Variants in SP100 observed in about 807,000 individuals in gnomAD.
SP100 encodes SP100 nuclear body protein.
SP100 carries 84 observed loss-of-function variants against 130.0 expected under a neutral mutation model. The observed-to-expected ratio is 0.65, with a 90% CI of 0.54 to 0.77. The LOEUF is 0.77. SP100 is among the 30% of genes least tolerant of loss of function. The probability of loss-of-function intolerance (pLI) is 0.00; values close to 1 mark genes in which losing one functional copy is unlikely to be tolerated. For missense variants in SP100, 978 were observed against 1,052.2 expected (o/e 0.93, Z 0.97); for synonymous variants, 331 against 351.7 (o/e 0.94, Z 0.66).
intron 24 of SP100, among the ~76,000 whole-genome samples, chr2:230,522,898 T>G (rs1048616411): frequency 9.2e-5 from 14 of 151,936 alleles, no homozygotes; most frequent in Non-Finnish European, 1.8e-4. Flanking sequence ...CACTGAAACC[T>G]CCATTTCCTA....
intron 8 of SP100, among the ~76,000 whole-genome samples, chr2:230,453,166 C>G (rs956042279): frequency 6.6e-6 from 1 of 152,104 alleles, no homozygotes; most frequent in Admixed American, 6.5e-5. Context: ...ATGGCAGCAG[C>G]AAGGAGAAGT....
At chr2:230,483,434 G>T (rs2150022468) in intron 17 of SP100, among the ~76,000 whole-genome samples, 1 of 152,290 alleles carries the variant, frequency 6.6e-6, no homozygotes, top group Admixed American at 6.5e-5. Context: ...GGTAGAGAGG[G>T]GTTGGGCGGG....
At chr2:230,433,779 C>T (rs1294210152) in intron 2 of SP100, among the ~76,000 whole-genome samples, 3 of 151,110 alleles carry the variant, frequency 2.0e-5, no homozygotes, top group Non-Finnish European at 4.4e-5. Context: ...CTTTTAAATT[C>T]CTAAGTTTCC....
At chr2:230,478,541 T>C (rs979821265) in intron 17 of SP100, among the ~76,000 whole-genome samples, 4 of 152,236 alleles carry the variant, frequency 2.6e-5, no homozygotes, top group Admixed American at 6.5e-5. Flanking sequence ...TCTTTTGAAA[T>C]TTCTCAATTT....
chr2:230,526,175 C>T lies in SP100; in HGVS notation c.2095-13092C>T, dbSNP rs114764804. On this transcript the variant is annotated intron_variant, in intron 24 of 28. Coordinates refer to ENST00000340126, the MANE Select transcript of SP100 (RefSeq NM_001080391.2). ...AGTAGGGGCTCACGGACACCTCAAA[C>T]AGGCAGGTGCCCCTCCGGGATGAAC... 8.2e-3 allele frequency among the ~76,000 whole-genome samples: 1,246 copies of T among 152,286 alleles called. 16 individuals carry two copies. The highest frequency in any genetic ancestry group is 0.028 in the African/African-American group (1,182 of 41,548).
chr2:230,453,849 TAAG>T (rs1294020434), intron 8 of SP100, among the ~76,000 whole-genome samples: 1 of 152,202 alleles, frequency 6.6e-6, no homozygotes, highest in Non-Finnish European at 1.5e-5. Context: ...ATTCAATTTT[TAAG>T]AAGAGTTTGA....
intron 4 of SP100, among the ~76,000 whole-genome samples, chr2:230,444,807 A>G (rs887552306): frequency 5.9e-5 from 9 of 152,208 alleles, no homozygotes; most frequent in African/African-American, 1.7e-4. Flanking sequence ...CACAGCTTTC[A>G]GGATGCCCTA....
At chr2:230,484,177 G>A (rs549742385) in intron 17 of SP100, among the ~76,000 whole-genome samples, 5 of 152,124 alleles carry the variant, frequency 3.3e-5, no homozygotes, top group East Asian at 3.8e-4. Flanking sequence ...GACCACAAAC[G>A]GACTCTTGTT....
At chr2:230,433,351 T>C (rs2063151692) in intron 2 of SP100, among the ~76,000 whole-genome samples, 1 of 152,216 alleles carries the variant, frequency 6.6e-6, no homozygotes, top group South Asian at 2.1e-4. Context: ...TCTGTTGTAT[T>C]GATTTTTATA....
In SP100 at chr2:230,444,237, T is replaced by C. The variant is rs2063589915; in HGVS notation, c.330T>C (p.Leu110=). Residue 110 remains leucine (L), a synonymous_variant, in exon 4 of 29, where the codon CTT becomes CTC. Transcript: ENST00000340126. ...VPVQRVVYNV[L]SELEKTFNLP... ...TACAGAGAGTGGTGTACAATGTTCT[T>C]AGTGAACTGGAGAAGACATTTAACC... 1 of 1,612,988 alleles carries C rather than the reference T, an allele frequency of 6.2e-7. No individual in the cohort carries two copies. The highest frequency in any genetic ancestry group is 8.5e-7 in the Non-Finnish European group (1 of 1,178,946).
chr2:230,502,906 T>C (rs1349224061), intron 19 of SP100, among the ~76,000 whole-genome samples, 160 bp from the exon 20 acceptor site: 3 of 152,214 alleles, frequency 2.0e-5, no homozygotes, highest in Admixed American at 6.5e-5. Context: ...AAACCTTAAC[T>C]ACTTACTATC....
intron 24 of SP100, chr2:230,515,721 A>G: frequency 6.6e-7 from 1 of 1,524,482 alleles, no homozygotes; most frequent in African/African-American, 1.4e-5. Flanking sequence ...AAAGAAAAAA[A>G]CTTCAACGTA....
intron 24 of SP100, chr2:230,537,517 C>T (rs141673433): frequency 6.6e-6 from 1 of 152,354 alleles, no homozygotes; most frequent in African/African-American, 2.4e-5. Flanking sequence ...GCCAAGCCCT[C>T]TGTGAAGAGG....
chr2:230,473,891 A>G (rs1167127056), intron 16 of SP100, among the ~76,000 whole-genome samples: 1 of 152,182 alleles, frequency 6.6e-6, no homozygotes, highest in South Asian at 2.1e-4. Context: ...CTTGAAAAAA[A>G]AAAAAAGAAA....
chr2:230,497,977 A>G (rs2066791022), intron 18 of SP100, among the ~76,000 whole-genome samples: 1 of 152,228 alleles, frequency 6.6e-6, no homozygotes. Context: ...CATTGCTGCC[A>G]TTGATTTCTG....
At chr2:230,455,353 C>T (rs796109475) in intron 8 of SP100, among the ~76,000 whole-genome samples, 10 of 152,302 alleles carry the variant, frequency 6.6e-5, no homozygotes, top group African/African-American at 2.4e-4. Flanking sequence ...TGTAAGCCAC[C>T]ATGCCTGGTT....
intron 8 of SP100, among the ~76,000 whole-genome samples, chr2:230,452,441 G>A (rs2064039280): frequency 6.6e-6 from 1 of 152,166 alleles, no homozygotes; most frequent in Non-Finnish European, 1.5e-5. Context: ...ACTCCTAGAT[G>A]CTGGGATTAC....
chr2:230,512,540 A>G (rs1196127497), intron 24 of SP100, among the ~76,000 whole-genome samples: 1 of 151,892 alleles, frequency 6.6e-6, no homozygotes, highest in African/African-American at 2.4e-5. Flanking sequence ...CACCTGCCTC[A>G]GCCTCCCAAA....
chr2:230,462,756 C>G (rs1397057322), intron 10 of SP100: 4 of 474,302 alleles, frequency 8.4e-6, no homozygotes, highest in Non-Finnish European at 1.5e-5. Flanking sequence ...AATCAATATT[C>G]ATACCCATAC....
Sources: gnomAD v4.1 joint callset for allele counts (sites outside exome capture counted in the v4.1 genomes callset) on GRCh38, gnomAD v4.1.1 for gene constraint, MANE v1.5 for transcripts, NCBI Gene and HGNC (gene_info 2026-07-23, HGNC 2026-07-21) for gene names.